PLA2G6: variants seen among roughly 807,000 people sequenced by gnomAD.
The protein encoded by PLA2G6 is 85/88 kDa calcium-independent phospholipase A2.
A neutral mutation model predicts 83.8 loss-of-function variants in PLA2G6; 62 were observed. The observed-to-expected ratio is 0.74, with a 90% CI of 0.60 to 0.91. The LOEUF is 0.91. Among genes scored for constraint, PLA2G6 ranks in the 40% least tolerant of loss-of-function variants. The probability of loss-of-function intolerance (pLI) is 0.00; values close to 1 mark genes in which losing one functional copy is unlikely to be tolerated. For missense variants in PLA2G6, 944 were observed against 1,102.0 expected (o/e 0.86, Z 2.03); for synonymous variants, 417 against 449.8 (o/e 0.93, Z 0.92).
At position 38,125,330 on chromosome 22, in the gene PLA2G6, G is replaced by A. The variant is rs1406592405; in HGVS notation, c.1427+1041C>T. Among the ~76,000 whole-genome samples, 7 of 152,280 alleles carry A rather than the reference G, an allele frequency of 4.6e-5. No individual in the cohort carries two copies. The East Asian group carries it at 1.3e-3, about 29-fold the overall frequency. ...TGTGTGTGCGTGCATGTGTGCGTGT[G>A]TGTGTGCGTGTGCCCGCGTGCAAGA... On this transcript the variant is annotated intron_variant, in intron 10 of 16. Transcript: ENST00000332509.
At chr22:38,173,311 C>G (rs1195286933) in intron 1 of PLA2G6, among the ~76,000 whole-genome samples, 1 of 152,044 alleles carries the variant, frequency 6.6e-6, no homozygotes, top group African/African-American at 2.4e-5. Context: ...CCACTGATGA[C>G]CGGCCCCTCC....
At chr22:38,150,665 A>G (rs2089515842) in intron 2 of PLA2G6, 1 of 152,238 alleles carries the variant, frequency 6.6e-6, no homozygotes, top group Non-Finnish European at 1.5e-5. Context: ...AATAAAATAC[A>G]AGGAGGAAAT....
At chr22:38,139,663 G>C (rs759865367) in intron 5 of PLA2G6, 1 of 262,176 alleles carries the variant, frequency 3.8e-6, no homozygotes, top group South Asian at 4.7e-5. Context: ...TCGAACTCCC[G>C]ACCTCAGGTG....
chr22:38,166,930 A>G (rs1001613839), intron 2 of PLA2G6, among the ~76,000 whole-genome samples: 1 of 152,022 alleles, frequency 6.6e-6, no homozygotes, highest in African/African-American at 2.4e-5. Flanking sequence ...ATTGGCAGAG[A>G]ATGTGCTAAC....
At chr22:38,112,909 T>C (rs973634452) in intron 15 of PLA2G6, 20 of 336,182 alleles carry the variant, frequency 5.9e-5, no homozygotes, top group African/African-American at 1.4e-4. Context: ...CTCTCTCTCT[T>C]TCTTTCTTTC....
intron 2 of PLA2G6, 97 bp downstream of exon 2, chr22:38,169,121 G>T (rs561310183): frequency 3.2e-6 from 3 of 948,282 alleles, no homozygotes; most frequent in East Asian, 5.2e-5. Flanking sequence ...CCCTCAGACA[G>T]AGACTCAAAG....
At position 38,132,962 on chromosome 22, in the gene PLA2G6, C is replaced by T. The variant is rs1265463966; in HGVS notation, c.946G>A (p.Ala316Thr). 5.8e-6 allele frequency: 9 copies of T among 1,564,642 alleles called. No homozygotes were observed. The highest frequency in any genetic ancestry group is 2.4e-5 in the East Asian group (1 of 42,174). Reference sequence around the variant, plus strand: ...GCCACGTGCAGGGCCGTGTTCCCCGCGGAGCTGGTGCTGTTCACGTTGCAG... The same window carrying T: ...GCCACGTGCAGGGCCGTGTTCCCCGTGGAGCTGGTGCTGTTCACGTTGCAG... ...RGCNVNSTSS[A>T]GNTALHVAVM... Residue 316 changes from alanine (A) to threonine (T), a missense_variant, in exon 7 of 17, where the codon GCG (alanine) becomes ACG (threonine). Coordinates refer to ENST00000332509, the MANE Select transcript of PLA2G6 (RefSeq NM_003560.4). This position sits in a 1 kb window ranked among gnomAD's most constrained non-coding sequence, Gnocchi z 5.0.
At chr22:38,153,261 G>A (rs2089645802) in intron 2 of PLA2G6, among the ~76,000 whole-genome samples, 1 of 152,096 alleles carries the variant, frequency 6.6e-6, no homozygotes, top group Admixed American at 6.5e-5. Flanking sequence ...GAGAATCCCC[G>A]TCCCTACTAA....
intron 3 of PLA2G6, chr22:38,145,030 A>G: frequency 3.6e-6 from 1 of 276,340 alleles, no homozygotes; most frequent in South Asian, 2.9e-5. Flanking sequence ...GCAACGCAGC[A>G]CCTTTTTTTT....
At chr22:38,120,696 G>A in intron 12 of PLA2G6, 63 bp downstream of exon 12, 1 of 1,591,936 alleles carries the variant, frequency 6.3e-7, no homozygotes, top group Non-Finnish European at 8.6e-7. Flanking sequence ...GGAGCCCTCT[G>A]TCCCCAGGGA....
chr22:38,174,396 A>AT, intron 1 of PLA2G6, among the ~76,000 whole-genome samples: 1 of 115,708 alleles, frequency 8.6e-6, no homozygotes. Context: ...ACTCTGTCTC[A>AT]AAAAAAAAGA....
chr22:38,169,000 C>A (rs563680774), intron 2 of PLA2G6, among the ~76,000 whole-genome samples: 2 of 152,292 alleles, frequency 1.3e-5, no homozygotes, highest in East Asian at 3.9e-4. Flanking sequence ...ACCCAGGCTT[C>A]CATCCTCAGC....
chr22:38,126,456 G>C lies in PLA2G6; in HGVS notation c.1349-7C>G. Reference sequence around the variant, plus strand: ...TGCATGAGATCCTGTAGTTCTGTGAGGCACAGAGCAGGGCATGCTGTGGTC... The same window carrying C: ...TGCATGAGATCCTGTAGTTCTGTGACGCACAGAGCAGGGCATGCTGTGGTC... On this transcript the variant is annotated splice_region_variant and splice_polypyrimidine_tract_variant and intron_variant, in intron 9 of 16. Transcript: ENST00000332509. 6.2e-7 allele frequency: 1 copy of C among 1,609,786 alleles called. No individual in the cohort carries two copies. Among genetic ancestry groups the C allele is most frequent in the South Asian group, 1.1e-5 (1 of 91,000 alleles).
Position 38,169,449 on chromosome 22 carries a change from G to T in PLA2G6, c.-23C>A, listed in dbSNP as rs1285232218. On this transcript the variant is annotated 5_prime_UTR_variant, in exon 2 of 17. Transcript: ENST00000332509. ...CATCTTCTGCGGGGCAGGTGGGGAGGCCCCACCGTCTTCCCCCTCTGTCTG... is the reference window on the plus strand; with the variant it reads ...CATCTTCTGCGGGGCAGGTGGGGAGTCCCCACCGTCTTCCCCCTCTGTCTG... The T allele has an allele frequency of 6.3e-7, 1 of 1,596,240 alleles. No homozygotes were observed. Among genetic ancestry groups the T allele is most frequent in the Non-Finnish European group, 8.6e-7 (1 of 1,164,722 alleles).
chr22:38,153,725 T>G (rs1304857419), intron 2 of PLA2G6, among the ~76,000 whole-genome samples: 1 of 151,612 alleles, frequency 6.6e-6, no homozygotes, highest in Non-Finnish European at 1.5e-5. Flanking sequence ...CACAAAAAAG[T>G]ACCTTCATAA....
intron 2 of PLA2G6, chr22:38,148,400 C>T (rs1400198075): frequency 1.3e-5 from 9 of 673,672 alleles, no homozygotes; most frequent in Admixed American, 2.2e-5. Context: ...GTGAAACAGA[C>T]CACCTACTGA....
chr22:38,140,474 C>CCTG, intron 4 of PLA2G6: 1 of 377,674 alleles, frequency 2.6e-6, no homozygotes, highest in South Asian at 2.3e-5. Flanking sequence ...CATCATTGCA[C>CCTG]TCTAGCCTGG....
intron 1 of PLA2G6, among the ~76,000 whole-genome samples, chr22:38,176,494 A>C (rs2090635915): frequency 1.3e-5 from 2 of 152,224 alleles, no homozygotes; most frequent in Non-Finnish European, 2.9e-5. Flanking sequence ...TGGTCCTGGC[A>C]GCAGAACCTG....
chr22:38,128,885 A>G lies in PLA2G6; in HGVS notation c.1187-455T>C, dbSNP rs11570696. Among the ~76,000 whole-genome samples, 8,330 of 152,330 alleles carry G rather than the reference A, an allele frequency of 0.055. 774 individuals carry two copies. The highest frequency in any genetic ancestry group is 0.19 in the African/African-American group (7,774 of 41,556). On this transcript the variant is annotated intron_variant, in intron 8 of 16. Transcript: ENST00000332509. The surrounding 1 kb of genome is among the most constrained non-coding windows in gnomAD (Gnocchi z 4.4). ...GGTGCATGCAGACACACACGTGTGC[A>G]CTGGCACACACACACTGCTGCCATC... is the stretch of plus-strand genomic sequence containing the variant.
Sources: gnomAD v4.1 joint callset for allele counts (sites outside exome capture counted in the v4.1 genomes callset) on GRCh38, gnomAD v4.1.1 for gene constraint, Gnocchi (gnomAD v3.1) non-coding constraint, MANE v1.5 for transcripts, NCBI Gene and HGNC (gene_info 2026-07-23, HGNC 2026-07-21) for gene names.